Variants in TRIML2 observed in about 807,000 individuals in gnomAD.
TRIML2 encodes the protein probable E3 ubiquitin-protein ligase TRIML2.
A neutral mutation model predicts 31.2 loss-of-function variants in TRIML2; 28 were observed. The observed-to-expected ratio is 0.90, with a 90% confidence interval of 0.66 to 1.23. The LOEUF (loss-of-function observed/expected upper bound fraction) is 1.23, where lower values mean the gene tolerates loss of function less well. Among genes scored for constraint, TRIML2 ranks in the 50% most tolerant of loss-of-function variants. TRIML2 has a pLI of 0.00. For missense variants in TRIML2, 536 were observed against 528.3 expected, an observed-to-expected ratio of 1.01 and a Z score of -0.14; for synonymous variants, 187 against 197.5, an observed-to-expected ratio of 0.95 and a Z score of 0.45.
chr4:188,098,140 A>G lies in TRIML2; in HGVS notation c.622-794T>C, dbSNP rs934433741. ...GTCTCGGGGAAAAAAAAAAAAAAAA[A>G]GGTAACCCACTTTCTGAAAGGCAAC... On this transcript the variant is annotated intron_variant, in intron 5 of 7. Transcript: ENST00000682553. The G allele has an allele frequency of 2.3e-5, 7 of 302,626 alleles. 1 individual carries two copies. The Middle Eastern group carries it at 2.6e-3, about 113-fold the overall frequency. 18.7% of individuals were successfully genotyped at this position (302,626 alleles called of 1,614,324 possible).
At position 188,104,850 on chromosome 4, in the gene TRIML2, A is replaced by G. The variant is rs75210010; in HGVS notation, c.272T>C (p.Met91Thr). ...KSILTDEQERMAMIQEEEQNF... is the reference protein window; with the variant it reads ...KSILTDEQERTAMIQEEEQNF... ...GCACTCACTGACCTGAATCATCGCC[A>G]TTCTTTCTTGCTCATCAGTCAATAT... Residue 91 changes from methionine (M) to threonine (T), a missense_variant, in exon 3 of 8, where the codon ATG (methionine) becomes ACG (threonine). By Grantham distance (81) the Met-to-Thr change is moderately conservative (BLOSUM62 -1). Coordinates refer to ENST00000682553, the MANE Select transcript of TRIML2 (RefSeq NM_173553.4). The G allele has an allele frequency of 3.1e-6, 5 of 1,613,868 alleles. No individual in the cohort carries two copies. The East Asian group carries it at 8.9e-5, about 29-fold the overall frequency.
In TRIML2 at chr4:188,099,149, G is replaced by A. The variant is rs142550143; in HGVS notation, c.507C>T (p.Asn169=). Residue 169 remains asparagine, a synonymous_variant, in exon 5 of 8, where the codon AAC becomes AAT. Transcript: ENST00000682553. ...CTTCACTCTCCTTCAGTTTCTCCAT[G>A]TTCTCTCTCCCCACACGGCCCAGTC... ...LQRLGRVGRE[N]MEKLKESEAR... The A allele has an allele frequency of 2.3e-4, 371 of 1,612,614 alleles. No homozygotes were observed. Among genetic ancestry groups the A allele is most frequent in the Admixed American group, 8.5e-4 (51 of 59,730 alleles).
rs967424830 is a variant in TRIML2 at position 188,105,213 on chromosome 4, C to T, written c.156G>A (p.Val52=). 11 of 1,608,972 alleles carry T rather than the reference C, an allele frequency of 6.8e-6. No homozygotes were observed. Among genetic ancestry groups the T allele is most frequent in the South Asian group, 6.6e-5 (6 of 90,992 alleles). Residue 52 remains valine, a synonymous_variant, in exon 2 of 8, where the codon GTG becomes GTA. Transcript: ENST00000682553. ...FQSQEHKHHM[V]CGIQEAAENY... ...TCTCAGCAGCCTCTTGTATCCCACACACCATGTGATGTTTGTGCTCCTGGG... is the reference window on the plus strand; with the variant it reads ...TCTCAGCAGCCTCTTGTATCCCACATACCATGTGATGTTTGTGCTCCTGGG...
chr4:188,091,915 C>A lies in TRIML2; in HGVS notation c.772G>T (p.Ala258Ser), dbSNP rs1733279519. 6.2e-7 allele frequency: 1 copy of A among 1,611,918 alleles called. No homozygotes were observed. Among genetic ancestry groups the A allele is most frequent in the East Asian group, 2.2e-5 (1 of 44,852 alleles). ...QRHLTLDPET[A>S]HPCLALSEDL... Reference sequence around the variant, plus strand: ...TCAGATAGTGCCAGGCAGGGATGAGCTGTTTCAGGATCCAATGTTAAATGT... The same window carrying A: ...TCAGATAGTGCCAGGCAGGGATGAGATGTTTCAGGATCCAATGTTAAATGT... The change falls in exon 8 of 8, where the codon GCT (alanine) becomes TCT (serine). Residue 258 changes from alanine (A) to serine (S), a missense_variant. Physicochemically the swap from Ala to Ser is moderately conservative, Grantham distance 99. Transcript: ENST00000682553.
At chr4:188,098,051 G>A (rs1470338319) in intron 5 of TRIML2, among the ~76,000 whole-genome samples, 1 of 151,696 alleles carries the variant, frequency 6.6e-6, no homozygotes, top group Admixed American at 6.6e-5. Flanking sequence ...GAACTGGGGA[G>A]GCGGAGGTTA....
At chr4:188,103,670 T>A (rs890009087) in intron 3 of TRIML2, among the ~76,000 whole-genome samples, 47 of 152,080 alleles carry the variant, frequency 3.1e-4, no homozygotes, top group African/African-American at 9.2e-4. Context: ...TTAAAAAAAA[T>A]TTTTTTAAAC....
At chr4:188,104,777 T>A in intron 3 of TRIML2, 60 bp downstream of exon 3, 2 of 1,347,976 alleles carry the variant, frequency 1.5e-6, no homozygotes, top group South Asian at 2.4e-5. Flanking sequence ...TATGATACAC[T>A]ATTTTCTAAC....
At chr4:188,096,528 CAAAAAAAAAAAAA>C (rs10607852) in intron 7 of TRIML2, among the ~76,000 whole-genome samples, 1,399 of 39,324 alleles carry the variant, frequency 0.036, 34 homozygotes, top group Admixed American at 0.049. Context: ...AACTCTGTCT[CAAAAAAAAAAAAA>C]AAAAAAAAAA....
At position 188,109,550 on chromosome 4, in the gene TRIML2, T is replaced by TTAC. The variant is rs1209689828; in HGVS notation, c.-533_-531dup. On this transcript the variant is annotated 5_prime_UTR_variant, in exon 1 of 8. Transcript: ENST00000682553. ...GCTTCAGCCTCCCAAAGTACTGGGA[T>TTAC]TACAGGAATGAGTCACCACACCGAA... The TTAC allele has an allele frequency of 1.3e-5, 2 of 152,074 alleles. No individual in the cohort carries two copies. The highest frequency in any genetic ancestry group is 2.4e-5 in the African/African-American group (1 of 41,470). 9.4% of individuals were successfully genotyped at this position (152,074 alleles called of 1,614,324 possible). A position where few individuals can be genotyped will look rare whatever the true frequency, so the allele number is the denominator to read the frequency against.
chr4:188,093,163 G>T, intron 7 of TRIML2: 1 of 228,436 alleles, frequency 4.4e-6, no homozygotes, highest in Non-Finnish European at 8.9e-6. Context: ...AAACCTGGAA[G>T]GCCTTTATTT....
chr4:188,104,250 G>A (rs535003300), intron 3 of TRIML2, among the ~76,000 whole-genome samples: 7 of 152,238 alleles, frequency 4.6e-5, no homozygotes, highest in East Asian at 3.9e-4. Flanking sequence ...CTCTTACCAC[G>A]AACAAAGTTC....
At position 188,091,616 on chromosome 4, in the gene TRIML2, AG is replaced by A. The variant is rs747163070; in HGVS notation, c.1070del (p.Pro357LeufsTer2). On this transcript the variant is annotated frameshift_variant, in exon 8 of 8. Transcript: ENST00000682553. LOFTEE classifies it low-confidence loss of function (END_TRUNC). ...GTEWTLWVFP[P>X]LKRLFLEKKL... Reference sequence around the variant, plus strand: ...TCTTTTCCAGGAAGAGCCTTTTCAGAGGGGGGAAGACCCAGAGAGTCCACTC... The same window carrying A: ...TCTTTTCCAGGAAGAGCCTTTTCAGAGGGGGAAGACCCAGAGAGTCCACTC... The A allele has an allele frequency of 1.9e-5, 30 of 1,614,028 alleles. No homozygotes were observed. The highest frequency in any genetic ancestry group is 2.7e-5 in the African/African-American group (2 of 74,914).
At chr4:188,093,059 C>T in intron 7 of TRIML2, 1 of 354,346 alleles carries the variant, frequency 2.8e-6, no homozygotes, top group Non-Finnish European at 5.6e-6. Flanking sequence ...GAATTTCAAA[C>T]ATAACACACC....
chr4:188,093,581 G>C (rs1733360196), intron 7 of TRIML2, among the ~76,000 whole-genome samples: 2 of 152,166 alleles, frequency 1.3e-5, no homozygotes, highest in African/African-American at 2.4e-5. Context: ...AGCATCGCTT[G>C]CATCTGGGAG....
In TRIML2 at chr4:188,094,145, A is replaced by T. The variant is rs183826513; in HGVS notation, c.746-2204T>A. Among the ~76,000 whole-genome samples, 1,058 of 152,112 alleles carry T rather than the reference A, an allele frequency of 7.0e-3. 38 individuals carry two copies. The highest frequency in any genetic ancestry group is 0.024 in the African/African-American group (1,004 of 41,460). ...ACAAAAACAAAAAACACAAAACAAC[A>T]ACAAAAAGCGCTATAGCTGTATCAG... On this transcript the variant is annotated intron_variant, in intron 7 of 7. Coordinates refer to ENST00000682553, the MANE Select transcript of TRIML2 (RefSeq NM_173553.4).
At chr4:188,095,899 G>A (rs115310091) in intron 7 of TRIML2, among the ~76,000 whole-genome samples, 3,764 of 152,250 alleles carry the variant, frequency 0.025, 142 homozygotes, top group African/African-American at 0.085. Flanking sequence ...CAGCCTGGAC[G>A]TTCTATATGT....
At chr4:188,104,373 AT>A (rs1021494295) in intron 3 of TRIML2, among the ~76,000 whole-genome samples, 5 of 151,268 alleles carry the variant, frequency 3.3e-5, no homozygotes, top group Non-Finnish European at 5.9e-5. Context: ...TTTTATTTTT[AT>A]TTTTTTTGAG....
chr4:188,105,028 T>TTA, intron 2 of TRIML2, 96 bp from the exon 3 acceptor site: 3 of 1,408,626 alleles, frequency 2.1e-6, no homozygotes, highest in Middle Eastern at 1.8e-4. Flanking sequence ...ATATATTTTC[T>TTA]TAGCCTTTAG....
At chr4:188,096,937 G>A (rs1733545278) in intron 7 of TRIML2, 124 bp downstream of exon 7, 2 of 741,094 alleles carry the variant, frequency 2.7e-6, no homozygotes, top group African/African-American at 3.5e-5. Context: ...GATTACAGGA[G>A]TGACCCACTG....
Sources: gnomAD v4.1 joint callset for allele counts (sites outside exome capture counted in the v4.1 genomes callset) on GRCh38, gnomAD v4.1.1 for gene constraint, MANE v1.5 for transcripts, NCBI Gene and HGNC (gene_info 2026-07-23, HGNC 2026-07-21) for gene names.